Variants in MIER1 observed in about 807,000 individuals in gnomAD.
MIER1 encodes MIER1 transcriptional regulator.
Under a neutral mutation model 75.7 loss-of-function variants are expected in MIER1, and 40 were observed. The ratio of observed to expected loss-of-function variants is 0.53; its 90% CI spans 0.41 to 0.69. MIER1 has a LOEUF of 0.69. MIER1 is among the 30% of genes least tolerant of loss of function. MIER1 has a pLI of 0.00. For missense variants in MIER1, 574 were observed against 680.2 expected (o/e 0.84, Z 1.74); for synonymous variants, 213 against 223.4 (o/e 0.95, Z 0.42).
At chr1:66,930,178 C>A in intron 2 of MIER1, 1 of 1,308,432 alleles carries the variant, frequency 7.6e-7, no homozygotes. Context: ...CTGGTCTTTT[C>A]CCTCCAGTCC....
At chr1:66,930,451 C>CTGGGCCGGGGAGGAGTGGAG in intron 2 of MIER1, 1 of 1,593,016 alleles carries the variant, frequency 6.3e-7, no homozygotes. Flanking sequence ...GCCCCCGGCC[C>CTGGGCCGGGGAGGAGTGGAG]TGGGCCGGGG....
In MIER1 at chr1:66,986,561, C is replaced by A; in HGVS notation, c.*1661C>A. The A allele has an allele frequency of 2.0e-6, 2 of 1,001,562 alleles. No homozygotes were observed. The highest frequency in any genetic ancestry group is 1.6e-6 in the Non-Finnish European group (1 of 632,764). The allele number at this position is 1,001,562 out of a possible 1,614,324, so 62.0% of individuals were successfully genotyped here. A position where few individuals can be genotyped will look rare whatever the true frequency, so the allele number is the denominator to read the frequency against. On this transcript the variant is annotated 3_prime_UTR_variant, in exon 14 of 14. Coordinates refer to ENST00000401041, the MANE Select transcript of MIER1 (RefSeq NM_001077700.3). ...TGAGAAATTAGCATTCAGGCCTTAC[C>A]CCCATGAAGTATTACTGTTAACATA...
intron 12 of MIER1, among the ~76,000 whole-genome samples, chr1:66,980,232 T>A (rs1665612225): frequency 6.6e-6 from 1 of 152,222 alleles, no homozygotes; most frequent in African/African-American, 2.4e-5. Flanking sequence ...TTTTCTATAA[T>A]TATGATGAGT....
intron 4 of MIER1, chr1:66,947,121 C>G (rs1657842734): frequency 2.2e-6 from 1 of 451,772 alleles, no homozygotes; most frequent in Admixed American, 6.4e-5. Flanking sequence ...CATACTGAAT[C>G]AGAATCTCTG....
intron 8 of MIER1, among the ~76,000 whole-genome samples, chr1:66,964,573 C>A (rs559189666): frequency 6.6e-6 from 1 of 151,672 alleles, no homozygotes; most frequent in African/African-American, 2.4e-5. Flanking sequence ...CTGCCTCAGC[C>A]TCCCAAGTAG....
chr1:66,925,286 C>T, intron 1 of MIER1, 191 bp downstream of exon 1: 1 of 984,446 alleles, frequency 1.0e-6, no homozygotes, highest in Non-Finnish European at 1.2e-6. Flanking sequence ...CTGCCAAAGG[C>T]GCATGCGCAG....
chr1:66,961,841 T>C (rs1661312277), intron 7 of MIER1, among the ~76,000 whole-genome samples: 2 of 152,172 alleles, frequency 1.3e-5, no homozygotes, highest in Non-Finnish European at 2.9e-5. Flanking sequence ...TAGAGAAAAT[T>C]TGTTGTAAGT....
At position 66,974,656 on chromosome 1, in the gene MIER1, TTCTCATA is replaced by T. The variant is rs1664345523; in HGVS notation, c.1101+1666_1101+1672del. On this transcript the variant is annotated intron_variant, in intron 11 of 13. Transcript: ENST00000401041. Reference sequence around the variant, plus strand: ...TAAGTATTAAAAGTATAACCTTGATTTCTCATAAATATTTGGGACAGTGGCATTTAAA... The same window carrying T: ...TAAGTATTAAAAGTATAACCTTGATTAATATTTGGGACAGTGGCATTTAAA... Among the ~76,000 whole-genome samples the T allele has an allele frequency of 2.6e-5, 4 of 152,198 alleles. No homozygotes were observed. In the East Asian group the frequency reaches 7.7e-4, roughly 29 times the overall value.
chr1:66,950,148 G>A (rs924014523), intron 4 of MIER1, among the ~76,000 whole-genome samples: 1 of 152,152 alleles, frequency 6.6e-6, no homozygotes, highest in African/African-American at 2.4e-5. Context: ...TCACTCTGTT[G>A]CCCAGGCTGG....
intron 7 of MIER1, 44 bp from the exon 8 acceptor site, chr1:66,963,043 TC>T (rs774083405): frequency 1.5e-5 from 19 of 1,303,612 alleles, no homozygotes; most frequent in Non-Finnish European, 2.1e-5. Flanking sequence ...GGATATAAAA[TC>T]TGTTACTAGA....
intron 2 of MIER1, 81 bp from the exon 3 acceptor site, chr1:66,939,947 A>T: frequency 1.8e-6 from 2 of 1,088,490 alleles, no homozygotes; most frequent in Non-Finnish European, 2.8e-6. Context: ...GCATCATAGT[A>T]GTCATTGAAT....
In MIER1 at chr1:66,976,742, A is replaced by C; in HGVS notation, c.1229+20A>C. 1 of 1,562,514 alleles carries C rather than the reference A, an allele frequency of 6.4e-7. No homozygotes were observed. The highest frequency in any genetic ancestry group is 2.3e-5 in the East Asian group (1 of 43,898). Reference sequence around the variant, plus strand: ...TGTAACGTGAGTTAATTTTTTCCTTAAGAGCTATATATACATTTTTGCTAA... The same window carrying C: ...TGTAACGTGAGTTAATTTTTTCCTTCAGAGCTATATATACATTTTTGCTAA... On this transcript the variant is annotated intron_variant, in intron 12 of 13. Transcript: ENST00000401041.
intron 2 of MIER1, among the ~76,000 whole-genome samples, chr1:66,932,261 A>C (rs1046196039): frequency 3.3e-5 from 5 of 152,192 alleles, no homozygotes; most frequent in Admixed American, 1.3e-4. Flanking sequence ...TGGAGAATGG[A>C]ATGTTTTGTG....
intron 2 of MIER1, among the ~76,000 whole-genome samples, chr1:66,927,609 A>G (rs1652147008): frequency 6.6e-6 from 1 of 152,176 alleles, no homozygotes; most frequent in South Asian, 2.1e-4. Context: ...CAAAGAAGAT[A>G]TCTGTTGAAT....
intron 4 of MIER1, among the ~76,000 whole-genome samples, chr1:66,952,864 C>T (rs1234125021): frequency 1.3e-5 from 2 of 152,054 alleles, no homozygotes; most frequent in African/African-American, 4.8e-5. Context: ...AGGCTGGTCT[C>T]GAACTCCTGA....
intron 2 of MIER1, chr1:66,930,154 C>T: frequency 2.5e-6 from 3 of 1,221,552 alleles, no homozygotes; most frequent in Non-Finnish European, 3.1e-6. Flanking sequence ...CGCCCCTGCT[C>T]CGGCGCGTGC....
At chr1:66,938,520 T>C (rs1655450417) in intron 2 of MIER1, among the ~76,000 whole-genome samples, 1 of 152,234 alleles carries the variant, frequency 6.6e-6, no homozygotes, top group African/African-American at 2.4e-5. Context: ...TTTTAAAATA[T>C]TGATTTACTA....
intron 13 of MIER1, among the ~76,000 whole-genome samples, chr1:66,984,151 G>A (rs553346701): frequency 6.6e-6 from 1 of 152,268 alleles, no homozygotes; most frequent in South Asian, 2.1e-4. Context: ...GCTTTTACGT[G>A]GTTTTAGAAT....
intron 4 of MIER1, among the ~76,000 whole-genome samples, chr1:66,951,968 C>T (rs1330070490): frequency 6.6e-6 from 1 of 152,144 alleles, no homozygotes; most frequent in Non-Finnish European, 1.5e-5. Flanking sequence ...CAGTGTGGGA[C>T]TTAGGATAGG....
Sources: gnomAD v4.1 joint callset for allele counts (sites outside exome capture counted in the v4.1 genomes callset) on GRCh38, gnomAD v4.1.1 for gene constraint, MANE v1.5 for transcripts, NCBI Gene and HGNC (gene_info 2026-07-23, HGNC 2026-07-21) for gene names.